DOCK7: variants seen among roughly 807,000 people sequenced by gnomAD.
DOCK7 encodes dedicator of cytokinesis protein 7.
A neutral mutation model predicts 271.0 loss-of-function variants in DOCK7; 138 were observed. The ratio of observed to expected loss-of-function variants is 0.51; its 90% CI spans 0.44 to 0.59. The LOEUF is 0.59. Among genes scored for constraint, DOCK7 ranks in the 20% least tolerant of loss-of-function variants. The probability of loss-of-function intolerance (pLI) is 0.00; values close to 1 mark genes in which losing one functional copy is unlikely to be tolerated. For synonymous variants in DOCK7, 823 were observed against 876.1 expected (o/e 0.94, Z 1.07); for missense variants, 2,066 against 2,592.4 (o/e 0.80, Z 4.41).
At chr1:62,584,726 C>T in intron 15 of DOCK7, 1 of 1,046,938 alleles carries the variant, frequency 9.6e-7, no homozygotes, top group African/African-American at 1.6e-5. Flanking sequence ...AGACATCGTC[C>T]CTGCCCTCAA....
chr1:62,635,003 CTTACT>C, intron 8 of DOCK7, 81 bp from the exon 9 acceptor site: 1 of 889,512 alleles, frequency 1.1e-6, no homozygotes, highest in Non-Finnish European at 1.7e-6. Flanking sequence ...GCTTCTGCTA[CTTACT>C]TTTAGAACTC....
intron 1 of DOCK7, among the ~76,000 whole-genome samples, chr1:62,663,758 C>G (rs1164121341): frequency 1.3e-5 from 2 of 152,184 alleles, no homozygotes; most frequent in African/African-American, 4.8e-5. Context: ...TTACTGAGCA[C>G]TGTTACGAGC....
chr1:62,587,299 TAAAAAAAAAAA>T, intron 14 of DOCK7, among the ~76,000 whole-genome samples: 1 of 41,818 alleles, frequency 2.4e-5, no homozygotes, highest in African/African-American at 7.2e-5. Flanking sequence ...ACCAAATAGC[TAAAAAAAAAAA>T]AAAAAAAAAA....
chr1:62,659,882 C>CA (rs1282170244), intron 2 of DOCK7, among the ~76,000 whole-genome samples: 1 of 152,104 alleles, frequency 6.6e-6, no homozygotes, highest in Non-Finnish European at 1.5e-5. Flanking sequence ...TACTAAATAA[C>CA]AGAGTTATAC....
In DOCK7 at chr1:62,513,572, G is replaced by T; in HGVS notation, c.4154C>A (p.Thr1385Asn). 6.2e-7 allele frequency: 1 copy of T among 1,613,954 alleles called. No homozygotes were observed. The highest frequency in any genetic ancestry group is 8.5e-7 in the Non-Finnish European group (1 of 1,179,962). The change falls in exon 33 of 50, where the codon ACC (threonine) becomes AAC (asparagine). Residue 1385 changes from threonine (T) to asparagine (N), a missense_variant. Physicochemically the swap from Thr to Asn is moderately conservative, Grantham distance 65. Around this residue, in one of 2 missense-constraint regions of DOCK7, gnomAD observed 652 missense variants for 922.1 expected, o/e 0.71. Transcript: ENST00000635253. Reference protein sequence around the residue: ...KKVFERMNSLTFKKSKDMRAK... With the variant: ...KKVFERMNSLNFKKSKDMRAK... ...TCTCATGTCTTTTGATTTCTTAAAG[G>T]TCAAGCTATTCATTCGTTCAAACAC...
At chr1:62,492,047 C>CA (rs1646482043) in intron 41 of DOCK7, among the ~76,000 whole-genome samples, 1 of 151,910 alleles carries the variant, frequency 6.6e-6, no homozygotes, top group Non-Finnish European at 1.5e-5. Context: ...CCCATCCCTA[C>CA]AAAAAATACA....
At chr1:62,609,922 C>G (rs958348708) in intron 14 of DOCK7, among the ~76,000 whole-genome samples, 1 of 152,126 alleles carries the variant, frequency 6.6e-6, no homozygotes, top group Admixed American at 6.5e-5. Context: ...GTGATCTCAG[C>G]TCTCTGCAAC....
chr1:62,465,920 G>GT (rs1280651681), intron 48 of DOCK7, among the ~76,000 whole-genome samples: 3 of 152,168 alleles, frequency 2.0e-5, no homozygotes, highest in Non-Finnish European at 4.4e-5. Flanking sequence ...TAAGAAAAGT[G>GT]TATCTGTAGA....
At chr1:62,569,721 C>A (rs555524078) in intron 18 of DOCK7, among the ~76,000 whole-genome samples, 4 of 139,568 alleles carry the variant, frequency 2.9e-5, no homozygotes, top group East Asian at 2.2e-4. Context: ...CTCCCCCCCC[C>A]CTTTTTTTTT....
chr1:62,559,434 TACTA>T (rs759781935), intron 19 of DOCK7, among the ~76,000 whole-genome samples: 4 of 149,400 alleles, frequency 2.7e-5, no homozygotes, highest in Non-Finnish European at 6.0e-5. Flanking sequence ...AGAAAACTGA[TACTA>T]ATTAAGATTT....
chr1:62,548,944 CAG>C lies in DOCK7; in HGVS notation c.2766+3786_2766+3787del, dbSNP rs1321914215. On this transcript the variant is annotated intron_variant, in intron 22 of 49. Transcript: ENST00000635253. The stretch of plus-strand genomic sequence containing the variant: ...GAAAAAGCAGTTAAGTTTAGAACTC[CAG>C]AGAGAGATCTGTACTGGAAATATAA... Among the ~76,000 whole-genome samples the C allele has an allele frequency of 2.6e-5, 4 of 152,208 alleles. No individual in the cohort carries two copies. In the East Asian group the frequency reaches 7.7e-4, roughly 29 times the overall value.
chr1:62,464,050 A>C (rs552497295), intron 48 of DOCK7, among the ~76,000 whole-genome samples: 1 of 152,300 alleles, frequency 6.6e-6, no homozygotes, highest in South Asian at 2.1e-4. Context: ...TACTGTTTTT[A>C]GTAATAAAAG....
chr1:62,622,902 C>T (rs1345586108), intron 12 of DOCK7, among the ~76,000 whole-genome samples: 1 of 152,036 alleles, frequency 6.6e-6, no homozygotes, highest in African/African-American at 2.4e-5. Context: ...TGCACTCCAG[C>T]CTGGGTGAGA....
chr1:62,469,228 G>A (rs1455807637), intron 48 of DOCK7, among the ~76,000 whole-genome samples: 1 of 152,166 alleles, frequency 6.6e-6, no homozygotes, highest in African/African-American at 2.4e-5. Flanking sequence ...TAGGCACATA[G>A]ACCAATGGAA....
chr1:62,531,302 A>G (rs1337628710), intron 29 of DOCK7, among the ~76,000 whole-genome samples: 4 of 152,194 alleles, frequency 2.6e-5, no homozygotes, highest in African/African-American at 9.7e-5. Context: ...GTCTTCATAA[A>G]GCCTTTTCAT....
chr1:62,478,028 T>C (rs779194014), intron 43 of DOCK7: 23 of 526,330 alleles, frequency 4.4e-5, no homozygotes, highest in South Asian at 1.2e-4. Context: ...AGTATGCAAA[T>C]AGGGCTACTA....
intron 14 of DOCK7, among the ~76,000 whole-genome samples, chr1:62,587,790 T>C (rs1445294747): frequency 6.6e-6 from 1 of 152,032 alleles, no homozygotes; most frequent in Non-Finnish European, 1.5e-5. Context: ...CATTACCCTA[T>C]TTGTGGAAAA....
intron 31 of DOCK7, among the ~76,000 whole-genome samples, chr1:62,524,311 A>T (rs1330754923): frequency 6.6e-6 from 1 of 152,236 alleles, no homozygotes; most frequent in African/African-American, 2.4e-5. Flanking sequence ...ATAGTTGGCC[A>T]TTACCTGGTA....
intron 16 of DOCK7, 58 bp downstream of exon 16, chr1:62,583,126 G>T: frequency 7.3e-7 from 1 of 1,374,606 alleles, no homozygotes; most frequent in Non-Finnish European, 1.0e-6. Context: ...ACTAATGTGA[G>T]TGCTAACAAT....
Sources: gnomAD v4.1 joint callset for allele counts (sites outside exome capture counted in the v4.1 genomes callset) on GRCh38, gnomAD v4.1.1 for gene constraint, gnomAD v4.1.1 regional missense constraint, MANE v1.5 for transcripts, NCBI Gene and HGNC (gene_info 2026-07-23, HGNC 2026-07-21) for gene names.